BABAM1: variants seen among roughly 807,000 people sequenced by gnomAD.
BABAM1 encodes the protein BRISC and BRCA1 A complex member 1.
Under a neutral mutation model 34.4 loss-of-function variants are expected in BABAM1, and 14 were observed. That is an observed-to-expected ratio of 0.41 (90% confidence interval 0.27 to 0.64). The LOEUF is 0.64. Ranked by LOEUF, BABAM1 falls within the 30% of genes least tolerant of loss-of-function variation. The pLI, the probability that BABAM1 is intolerant of heterozygous loss-of-function variation, is 0.34. For synonymous variants in BABAM1, 169 were observed against 165.8 expected, an observed-to-expected ratio of 1.02 and a Z score of -0.15; for missense variants, 393 against 434.0, an observed-to-expected ratio of 0.91 and a Z score of 0.84.
In BABAM1 at chr19:17,268,818, A is replaced by G; in HGVS notation, c.12A>G (p.Ala4=). The change falls in exon 2 of 9, where the codon GCA becomes GCG. Residue 4 remains alanine, a synonymous_variant. Transcript: ENST00000598188. MEV[A]EPSSPTEEEE... The stretch of plus-strand genomic sequence containing the variant: ...GCCACACAGGAGCCATGGAAGTGGC[A>G]GAGCCCAGCAGCCCCACTGAAGAGG... 1 of 1,604,328 alleles carries G rather than the reference A, an allele frequency of 6.2e-7. No individual in the cohort carries two copies. Among genetic ancestry groups the G allele is most frequent in the South Asian group, 1.1e-5 (1 of 90,170 alleles).
At chr19:17,274,530 T>G in intron 5 of BABAM1, 1 of 274,946 alleles carries the variant, frequency 3.6e-6, no homozygotes, top group East Asian at 8.7e-5. Flanking sequence ...ATCTTGCCAC[T>G]GTACTCCAGC....
chr19:17,270,244 T>G (rs1242388214), intron 2 of BABAM1, among the ~76,000 whole-genome samples: 6 of 152,090 alleles, frequency 3.9e-5, no homozygotes, highest in Non-Finnish European at 8.8e-5. Context: ...GAGATGAGGT[T>G]TCACCGTGTT....
rs1411905232 is a variant in BABAM1 at position 17,276,496 on chromosome 19, C to A, written c.571C>A (p.Gln191Lys). ...FNLEGLFSLI[Q>K]QKTELPVTEN... is the part of the protein sequence containing the mutation. ...TGCTCCCTCCTCCCGGGTATGCAGC[C>A]AGCAGAAAACTGAGCTTCCGGTCAC... is the stretch of plus-strand genomic sequence containing the variant. Residue 191 changes from glutamine (Q) to lysine (K), a missense_variant and splice_region_variant, in exon 7 of 9, where the codon CAG becomes AAG. Transcript: ENST00000598188. 1 of 1,592,052 alleles carries A rather than the reference C, an allele frequency of 6.3e-7. No homozygotes were observed. Among genetic ancestry groups the A allele is most frequent in the South Asian group, 1.1e-5 (1 of 87,408 alleles).
At position 17,268,884 on chromosome 19, in the gene BABAM1, C is replaced by T. The variant is rs144113997; in HGVS notation, c.78C>T (p.Arg26=). The T allele has an allele frequency of 2.0e-4, 315 of 1,595,602 alleles. No homozygotes were observed. In the African/African-American group the frequency reaches 3.8e-3, roughly 19 times the overall value. ...EEEHSAEPRP[R]TRSNPEGAED... ...AGCACTCGGCAGAGCCTCGGCCCCGCACTCGCTCCAATCCTGAAGGGGCTG... is the reference window on the plus strand; with the variant it reads ...AGCACTCGGCAGAGCCTCGGCCCCGTACTCGCTCCAATCCTGAAGGGGCTG... The change falls in exon 2 of 9, where the codon CGC becomes CGT. Residue 26 remains arginine (R), a synonymous_variant. Coordinates refer to ENST00000598188, the MANE Select transcript of BABAM1 (RefSeq NM_014173.4).
intron 2 of BABAM1, among the ~76,000 whole-genome samples, chr19:17,271,135 G>A (rs572893662): frequency 4.0e-5 from 6 of 151,648 alleles, no homozygotes; most frequent in African/African-American, 1.2e-4. Flanking sequence ...ATTACAGGTA[G>A]GTGCCACCAC....
intron 2 of BABAM1, among the ~76,000 whole-genome samples, chr19:17,270,989 C>G (rs1383622331): frequency 6.7e-6 from 1 of 149,196 alleles, no homozygotes; most frequent in East Asian, 2.0e-4. Context: ...CACGCCTGGC[C>G]TCTTTTTTTT....
intron 3 of BABAM1, among the ~76,000 whole-genome samples, chr19:17,273,555 G>GTTTTTTT (rs1555716572): frequency 1.4e-3 from 19 of 13,210 alleles, no homozygotes; most frequent in Non-Finnish European, 3.6e-3. Flanking sequence ...GTTTTTTTTT[G>GTTTTTTT]TTTGTTTTGT....
chr19:17,268,915 C>T lies in BABAM1; in HGVS notation c.109C>T (p.Arg37Trp), dbSNP rs1422718075. 7 of 1,581,412 alleles carry T rather than the reference C, an allele frequency of 4.4e-6. No homozygotes were observed. The highest frequency in any genetic ancestry group is 1.7e-6 in the Non-Finnish European group (2 of 1,164,930). ...CTCCAATCCTGAAGGGGCTGAGGAC[C>T]GGGCAGTAGGGGCACAGGCCAGCGT... ...TRSNPEGAED[R>W]AVGAQASVGS... Residue 37 changes from arginine (R) to tryptophan (W), a missense_variant, in exon 2 of 9, where the codon CGG becomes TGG. Arg to Trp is a moderately radical substitution (Grantham distance 101). Coordinates refer to ENST00000598188, the MANE Select transcript of BABAM1 (RefSeq NM_014173.4).
chr19:17,277,749 T>A (rs1225425582), intron 8 of BABAM1, among the ~76,000 whole-genome samples: 2 of 151,894 alleles, frequency 1.3e-5, no homozygotes, highest in African/African-American at 4.8e-5. Context: ...CGTGGTGGTG[T>A]ACGCCTGTGG....
At chr19:17,271,767 T>A in intron 3 of BABAM1, 112 bp downstream of exon 3, 1 of 1,254,410 alleles carries the variant, frequency 8.0e-7, no homozygotes, top group Non-Finnish European at 1.1e-6. Flanking sequence ...GGCTTCAGGC[T>A]TGGCAGTATC....
rs2073943261 is a variant in BABAM1, at chr19:17,278,901, G to A, written c.843G>A (p.Glu281=). The A allele has an allele frequency of 6.2e-7, 1 of 1,613,700 alleles. No individual in the cohort carries two copies. The highest frequency in any genetic ancestry group is 8.5e-7 in the Non-Finnish European group (1 of 1,179,824). ...LDTKGTSYKY[E]VALAGPALEL... is the part of the protein sequence containing the mutation. ...CCAAGGGTACCAGCTACAAGTATGA[G>A]GTGGCACTGGCTGGGCCAGCCCTGG... The change falls in exon 9 of 9, where the codon GAG becomes GAA. Residue 281 remains glutamate, a synonymous_variant. Coordinates refer to ENST00000598188, the MANE Select transcript of BABAM1 (RefSeq NM_014173.4).
At position 17,279,275 on chromosome 19, in the gene BABAM1, G is replaced by A; in HGVS notation, c.*227G>A. The A allele has an allele frequency of 2.1e-6, 1 of 483,982 alleles. No homozygotes were observed. Among genetic ancestry groups the A allele is most frequent in the African/African-American group, 1.9e-5 (1 of 51,670 alleles). 30.0% of individuals were successfully genotyped at this position (483,982 alleles called of 1,614,324 possible). On this transcript the variant is annotated 3_prime_UTR_variant, in exon 9 of 9. Coordinates refer to ENST00000598188, the MANE Select transcript of BABAM1 (RefSeq NM_014173.4). The stretch of plus-strand genomic sequence containing the variant: ...CCCATTTCCACTCCTAGTTTGTCAT[G>A]GATAATTTTTGTTCTTCCCTGTGTG...
At chr19:17,268,336 C>T (rs1292713108) in intron 1 of BABAM1, among the ~76,000 whole-genome samples, 1 of 151,850 alleles carries the variant, frequency 6.6e-6, no homozygotes, top group Non-Finnish European at 1.5e-5. Flanking sequence ...TAAAAGGCAG[C>T]CATTCTGCAG....
rs1419389964 is a variant in BABAM1 at position 17,275,789 on chromosome 19, C to T, written c.545-12C>T. The T allele has an allele frequency of 1.2e-6, 2 of 1,613,812 alleles. No individual in the cohort carries two copies. The highest frequency in any genetic ancestry group is 1.7e-6 in the Non-Finnish European group (2 of 1,179,862). On this transcript the variant is annotated splice_polypyrimidine_tract_variant and intron_variant, in intron 5 of 8. Transcript: ENST00000598188. Reference sequence around the variant, plus strand: ...CGTGCTCTACTAGCCTTCTCCTTAGCACCCCCACCAGATCTGGAAGGACTT... The same window carrying T: ...CGTGCTCTACTAGCCTTCTCCTTAGTACCCCCACCAGATCTGGAAGGACTT...
intron 3 of BABAM1, among the ~76,000 whole-genome samples, chr19:17,273,564 G>GTTTGGTTT (rs2073869828): frequency 2.2e-5 from 1 of 45,940 alleles, no homozygotes; most frequent in African/African-American, 6.5e-5. Context: ...TGTTTGTTTT[G>GTTTGGTTT]TTTTTTTTTT....
At chr19:17,275,541 T>C (rs978695783) in intron 5 of BABAM1, among the ~76,000 whole-genome samples, 1 of 151,416 alleles carries the variant, frequency 6.6e-6, no homozygotes, top group African/African-American at 2.4e-5. Context: ...CCACCCGCCT[T>C]GGCCTCCCAA....
Position 17,271,631 on chromosome 19 carries a change from T to G in BABAM1, c.320T>G (p.Leu107Arg), listed in dbSNP as rs1342706869. 25 of 1,613,702 alleles carry G rather than the reference T, an allele frequency of 1.5e-5. No homozygotes were observed. The highest frequency in any genetic ancestry group is 2.1e-5 in the Non-Finnish European group (25 of 1,179,836). ...ICLDLSEEMS[L>R]PKLESFNGSK... ...CTGGACCTGTCAGAGGAAATGTCACTGCCAAAGCTGGAGTCGTTCAACGGG... is the reference window on the plus strand; with the variant it reads ...CTGGACCTGTCAGAGGAAATGTCACGGCCAAAGCTGGAGTCGTTCAACGGG... Residue 107 changes from leucine (L) to arginine (R), a missense_variant, in exon 3 of 9, where the codon CTG becomes CGG. Physicochemically the swap from Leu to Arg is moderately radical, Grantham distance 102. Coordinates refer to ENST00000598188, the MANE Select transcript of BABAM1 (RefSeq NM_014173.4).
At chr19:17,267,693 G>A (rs140440381) in intron 1 of BABAM1, among the ~76,000 whole-genome samples, 166 bp downstream of exon 1, 9 of 152,252 alleles carry the variant, frequency 5.9e-5, no homozygotes, top group Non-Finnish European at 1.0e-4. Context: ...TTTCTTAGAG[G>A]TGTGGGGACT....
rs372159187 is a variant in BABAM1, at chr19:17,278,944, G to A, written c.886G>A (p.Ala296Thr). Residue 296 changes from alanine (A) to threonine (T), a missense_variant, in exon 9 of 9, where the codon GCG (alanine) becomes ACG (threonine). Ala to Thr is a moderately conservative substitution (Grantham distance 58, BLOSUM62 0). Transcript: ENST00000598188. ...GPALELHNCM[A>T]KLLAHPLQRP... ...AGCCCTGGAGTTGCACAACTGCATGGCGAAACTGTTGGCCCACCCCCTGCA... is the reference window on the plus strand; with the variant it reads ...AGCCCTGGAGTTGCACAACTGCATGACGAAACTGTTGGCCCACCCCCTGCA... The A allele has an allele frequency of 1.9e-6, 3 of 1,613,188 alleles. No individual in the cohort carries two copies. Among genetic ancestry groups the A allele is most frequent in the Non-Finnish European group, 2.5e-6 (3 of 1,179,702 alleles).
Sources: allele counts gnomAD v4.1 joint callset (sites outside exome capture counted in the v4.1 genomes callset), GRCh38; gene constraint gnomAD v4.1.1; transcripts MANE v1.5; gene names NCBI Gene and HGNC (gene_info 2026-07-23, HGNC 2026-07-21).